The following KIAA1549L variants were observed in gnomAD, a reference collection of about 807,000 sequenced individuals.
KIAA1549L encodes UPF0606 protein KIAA1549L.
KIAA1549L carries 88 observed loss-of-function variants against 160.7 expected under a neutral mutation model. The ratio of observed to expected loss-of-function variants is 0.55; its 90% confidence interval spans 0.46 to 0.65. The LOEUF (loss-of-function observed/expected upper bound fraction) is 0.65, where lower values mean the gene tolerates loss of function less well. Ranked by LOEUF, KIAA1549L falls within the 30% of genes least tolerant of loss-of-function variation. The probability of loss-of-function intolerance (pLI) is 0.00; values close to 1 mark genes in which losing one functional copy is unlikely to be tolerated. For synonymous variants in KIAA1549L, 950 were observed against 976.7 expected, an observed-to-expected ratio of 0.97 and a Z score of 0.51; for missense variants, 2,258 against 2,437.5, an observed-to-expected ratio of 0.93 and a Z score of 1.55.
At chr11:33,481,777 T>C (rs899675666) in intron 1 of KIAA1549L, among the ~76,000 whole-genome samples, 10 of 152,258 alleles carry the variant, frequency 6.6e-5, no homozygotes, top group Non-Finnish European at 7.3e-5. Context: ...TGTCTCACTC[T>C]AGAAAGTGTT....
intron 1 of KIAA1549L, among the ~76,000 whole-genome samples, chr11:33,436,581 C>T (rs535893199): frequency 4.5e-4 from 68 of 152,326 alleles, no homozygotes; most frequent in Non-Finnish European, 7.9e-4. Flanking sequence ...TATCTGGGCA[C>T]CCTGTGGCCC....
intron 4 of KIAA1549L, 55 bp from the exon 5 acceptor site, chr11:33,550,985 A>C: frequency 7.0e-7 from 1 of 1,437,346 alleles, no homozygotes; most frequent in Non-Finnish European, 9.8e-7. Context: ...ACCAGGAAGA[A>C]CTTAAAGTGC....
chr11:33,391,924 A>G (rs1850279795), intron 1 of KIAA1549L, among the ~76,000 whole-genome samples: 1 of 152,218 alleles, frequency 6.6e-6, no homozygotes, highest in South Asian at 2.1e-4. Context: ...GATTTGTCCT[A>G]GTTTGTGAAT....
In KIAA1549L at chr11:33,551,252, A is replaced by G; in HGVS notation, c.3714A>G (p.Leu1238=). Residue 1238 remains leucine (L), a synonymous_variant, in exon 5 of 21, where the codon CTA becomes CTG. Transcript: ENST00000658780. ...WNPQPAGYFQ[L]KTVLQFVSQA... Reference sequence around the variant, plus strand: ...CCCAGCCTGCAGGCTACTTCCAGCTAAAAACAGGCAAGTGACTCGGAAGGA... The same window carrying G: ...CCCAGCCTGCAGGCTACTTCCAGCTGAAAACAGGCAAGTGACTCGGAAGGA... 6.2e-7 allele frequency: 1 copy of G among 1,612,552 alleles called. No individual in the cohort carries two copies. Among genetic ancestry groups the G allele is most frequent in the East Asian group, 2.2e-5 (1 of 44,852 alleles).
In KIAA1549L at chr11:33,376,243, G is replaced by T. The variant is rs1328972092; in HGVS notation, c.-409G>T. Reference sequence around the variant, plus strand: ...ACAGCGGGGCGCCGAGGCTGCAGCGGCGGCGGGAGGGAGGGACCCGAGCGC... The same window carrying T: ...ACAGCGGGGCGCCGAGGCTGCAGCGTCGGCGGGAGGGAGGGACCCGAGCGC... On this transcript the variant is annotated 5_prime_UTR_variant, in exon 1 of 21. Coordinates refer to ENST00000658780, the MANE Select transcript of KIAA1549L (RefSeq NM_012194.3). This position sits in a 1 kb window ranked among gnomAD's most constrained non-coding sequence, Gnocchi z 5.8. 6.7e-6 allele frequency among the ~76,000 whole-genome samples: 1 copy of T among 148,504 alleles called. No homozygotes were observed. Among genetic ancestry groups the T allele is most frequent in the Non-Finnish European group, 1.5e-5 (1 of 66,654 alleles).
At chr11:33,436,739 A>T (rs1372187599) in intron 1 of KIAA1549L, among the ~76,000 whole-genome samples, 1 of 152,216 alleles carries the variant, frequency 6.6e-6, no homozygotes, top group East Asian at 1.9e-4. Flanking sequence ...AAGCAAGCGC[A>T]GTCTGGCTCT....
chr11:33,629,299 G>A (rs1177882120), intron 16 of KIAA1549L, among the ~76,000 whole-genome samples: 2 of 152,008 alleles, frequency 1.3e-5, no homozygotes, highest in East Asian at 3.9e-4. Context: ...TATCTTTGTG[G>A]TGTTCTCTGT....
chr11:33,629,580 C>G (rs937911838), intron 16 of KIAA1549L, among the ~76,000 whole-genome samples: 1 of 151,666 alleles, frequency 6.6e-6, no homozygotes, highest in African/African-American at 2.4e-5. Flanking sequence ...TTGATCACAT[C>G]GGCTCCTGAG....
intron 14 of KIAA1549L, 105 bp from the exon 15 acceptor site, chr11:33,609,644 G>A: frequency 1.2e-6 from 1 of 865,314 alleles, no homozygotes; most frequent in Non-Finnish European, 1.9e-6. Context: ...GCCCGGAGGT[G>A]ATGCCTGTGA....
At chr11:33,564,608 C>T (rs1052192075) in intron 8 of KIAA1549L, among the ~76,000 whole-genome samples, 1 of 152,206 alleles carries the variant, frequency 6.6e-6, no homozygotes, top group Non-Finnish European at 1.5e-5. Context: ...ATATTGCTGC[C>T]AGACAGAGGG....
rs796572076 is a variant in KIAA1549L, at chr11:33,477,431, T to C, written c.239-64371T>C. Among the ~76,000 whole-genome samples, 40 of 152,268 alleles carry C rather than the reference T, an allele frequency of 2.6e-4. 1 individual carries two copies. Among genetic ancestry groups the C allele is most frequent in the African/African-American group, 7.9e-4 (33 of 41,544 alleles). ...GGATGGAACACAATAAATTTCAAGA[T>C]GTAAGATATTTAATGTAGGGTTTTT... On this transcript the variant is annotated intron_variant, in intron 1 of 20. Transcript: ENST00000658780.
intron 1 of KIAA1549L, among the ~76,000 whole-genome samples, chr11:33,452,633 T>A (rs575536913): frequency 1.3e-5 from 2 of 152,072 alleles, no homozygotes; most frequent in African/African-American, 4.8e-5. Context: ...TATGTATGTA[T>A]GTATGTATGG....
intron 1 of KIAA1549L, among the ~76,000 whole-genome samples, chr11:33,387,087 A>G (rs1436650818): frequency 6.6e-6 from 1 of 152,044 alleles, no homozygotes; most frequent in Non-Finnish European, 1.5e-5. Context: ...AGCCTGGGTG[A>G]CATAGCAAGA....
intron 1 of KIAA1549L, among the ~76,000 whole-genome samples, chr11:33,468,472 G>A (rs1852107280): frequency 6.6e-6 from 1 of 152,228 alleles, no homozygotes; most frequent in South Asian, 2.1e-4. Context: ...TGTGGCACCT[G>A]CTGGGACATA....
intron 17 of KIAA1549L, among the ~76,000 whole-genome samples, chr11:33,649,897 AAG>A (rs1851837206): frequency 6.6e-6 from 1 of 152,078 alleles, no homozygotes. Flanking sequence ...AAAAAAGAAA[AAG>A]AAATGTTACA....
intron 12 of KIAA1549L, among the ~76,000 whole-genome samples, chr11:33,595,672 A>G (rs190681589): frequency 1.1e-4 from 17 of 152,344 alleles, no homozygotes; most frequent in African/African-American, 3.4e-4. Context: ...CAAAACATCA[A>G]AGTCAAGAGA....
intron 1 of KIAA1549L, among the ~76,000 whole-genome samples, chr11:33,444,936 A>T (rs1383667546): frequency 6.6e-6 from 1 of 152,106 alleles, no homozygotes; most frequent in Non-Finnish European, 1.5e-5. Context: ...TTGGTCTTAA[A>T]CTTCTGGAGG....
intron 1 of KIAA1549L, among the ~76,000 whole-genome samples, chr11:33,378,684 T>G (rs1455834179): frequency 6.6e-6 from 1 of 152,214 alleles, no homozygotes; most frequent in Non-Finnish European, 1.5e-5. Flanking sequence ...TCCCCCTTTA[T>G]GACCAGCTTC....
intron 6 of KIAA1549L, among the ~76,000 whole-genome samples, chr11:33,555,912 G>A (rs141875559): frequency 5.9e-5 from 9 of 152,134 alleles, no homozygotes; most frequent in Admixed American, 2.0e-4. Flanking sequence ...CATATATCTG[G>A]TAAGTAGTTA....
Sources: allele counts gnomAD v4.1 joint callset (sites outside exome capture counted in the v4.1 genomes callset), GRCh38; gene constraint gnomAD v4.1.1; non-coding constraint Gnocchi (gnomAD v3.1); transcripts MANE v1.5; gene names NCBI Gene and HGNC (gene_info 2026-07-23, HGNC 2026-07-21).